TAF1B: variants seen among roughly 807,000 people sequenced by gnomAD.
The protein encoded by TAF1B is TATA-box binding protein associated factor, RNA polymerase I subunit B, also known as TATA box-binding protein-associated factor RNA polymerase I subunit B.
In TAF1B, 61 loss-of-function variants were observed where a neutral mutation model predicts 83.9. The observed-to-expected ratio is 0.73, with a 90% CI of 0.59 to 0.90. The LOEUF (loss-of-function observed/expected upper bound fraction) is 0.90. Ranked by LOEUF, TAF1B falls within the 40% of genes least tolerant of loss-of-function variation. The probability of loss-of-function intolerance (pLI) is 0.00; values close to 1 mark genes in which losing one functional copy is unlikely to be tolerated. For synonymous variants in TAF1B, 221 were observed against 224.6 expected (o/e 0.98, Z 0.14); for missense variants, 625 against 677.0 (o/e 0.92, Z 0.85).
chr2:9,932,692 C>T (rs1666253591), intron 14 of TAF1B, among the ~76,000 whole-genome samples: 1 of 152,188 alleles, frequency 6.6e-6, no homozygotes, highest in Non-Finnish European at 1.5e-5. Context: ...GTGAGAACCA[C>T]TGCTTTCTTC....
At chr2:9,867,959 G>A (rs1047274809) in intron 5 of TAF1B, among the ~76,000 whole-genome samples, 1 of 152,232 alleles carries the variant, frequency 6.6e-6, no homozygotes, top group Non-Finnish European at 1.5e-5. Flanking sequence ...CAGCCAGCAT[G>A]TGTGGGGTCA....
At chr2:9,917,317 A>G (rs1399422019) in intron 12 of TAF1B, among the ~76,000 whole-genome samples, 1 of 152,240 alleles carries the variant, frequency 6.6e-6, no homozygotes, top group Non-Finnish European at 1.5e-5. Context: ...TATTACTAAA[A>G]TATTGTTAAA....
intron 8 of TAF1B, among the ~76,000 whole-genome samples, chr2:9,889,745 G>A (rs574909232): frequency 2.0e-5 from 3 of 152,112 alleles, no homozygotes; most frequent in African/African-American, 4.8e-5. Context: ...TTAGAAGCTT[G>A]TTTTTAAGTT....
intron 8 of TAF1B, among the ~76,000 whole-genome samples, chr2:9,899,729 G>C (rs78323752): frequency 6.6e-6 from 1 of 152,134 alleles, no homozygotes; most frequent in Non-Finnish European, 1.5e-5. Flanking sequence ...ATAATGAGAA[G>C]TACAAAGAAG....
intron 9 of TAF1B, among the ~76,000 whole-genome samples, chr2:9,910,376 T>A (rs1665485286): frequency 6.6e-6 from 1 of 152,200 alleles, no homozygotes; most frequent in Admixed American, 6.5e-5. Flanking sequence ...CCAGTGCACA[T>A]ACATTGCTAG....
At chr2:9,891,501 T>G (rs1664873302) in intron 8 of TAF1B, among the ~76,000 whole-genome samples, 1 of 152,194 alleles carries the variant, frequency 6.6e-6, no homozygotes, top group Non-Finnish European at 1.5e-5. Flanking sequence ...ACATAATACT[T>G]GATAATAACT....
intron 12 of TAF1B, among the ~76,000 whole-genome samples, chr2:9,917,838 C>T (rs1329988558): frequency 6.6e-6 from 1 of 151,614 alleles, no homozygotes; most frequent in Non-Finnish European, 1.5e-5. Flanking sequence ...TTTGGGAGGC[C>T]GAGGCGGGCG....
intron 8 of TAF1B, among the ~76,000 whole-genome samples, chr2:9,889,337 T>G (rs1438677731): frequency 1.3e-5 from 2 of 152,148 alleles, no homozygotes; most frequent in Admixed American, 1.3e-4. Flanking sequence ...TTGTTATGTC[T>G]TCAGATTCAG....
At chr2:9,867,121 G>A (rs78803597) in intron 5 of TAF1B, among the ~76,000 whole-genome samples, 1 of 152,092 alleles carries the variant, frequency 6.6e-6, no homozygotes, top group Non-Finnish European at 1.5e-5. Flanking sequence ...ATAAATGATA[G>A]CATATTTGTG....
intron 9 of TAF1B, among the ~76,000 whole-genome samples, chr2:9,908,017 A>C (rs1428545758): frequency 7.2e-6 from 1 of 139,842 alleles, no homozygotes; most frequent in Admixed American, 7.3e-5. Flanking sequence ...GAGCAGTTCA[A>C]GATCTTAATT....
chr2:9,904,731 C>G (rs1048884544), intron 8 of TAF1B, 128 bp from the exon 9 acceptor site: 20 of 903,794 alleles, frequency 2.2e-5, no homozygotes, highest in Non-Finnish European at 3.1e-5. Context: ...GTTCCTTTTT[C>G]TGCACAACTT....
chr2:9,903,882 G>C (rs1396780046), intron 8 of TAF1B, among the ~76,000 whole-genome samples: 1 of 152,194 alleles, frequency 6.6e-6, no homozygotes, highest in Non-Finnish European at 1.5e-5. Context: ...AACCCAGTAA[G>C]AGTTTTAAGA....
At chr2:9,884,536 G>T (rs929545031) in intron 8 of TAF1B, among the ~76,000 whole-genome samples, 1 of 152,254 alleles carries the variant, frequency 6.6e-6, no homozygotes, top group Non-Finnish European at 1.5e-5. Context: ...CCCACAGCGG[G>T]CAGCTCCTTT....
At chr2:9,849,739 G>A (rs1663326091) in intron 3 of TAF1B, among the ~76,000 whole-genome samples, 1 of 152,136 alleles carries the variant, frequency 6.6e-6, no homozygotes, top group African/African-American at 2.4e-5. Context: ...TCCATTTCTT[G>A]TGTTGAATTT....
intron 14 of TAF1B, among the ~76,000 whole-genome samples, chr2:9,933,199 G>C (rs1048544643): frequency 6.6e-6 from 1 of 152,210 alleles, no homozygotes; most frequent in Admixed American, 6.5e-5. Context: ...AGATGAACCA[G>C]GTACCTCAGC....
intron 8 of TAF1B, among the ~76,000 whole-genome samples, chr2:9,883,612 A>C (rs1664576616): frequency 6.6e-6 from 1 of 152,212 alleles, no homozygotes; most frequent in Non-Finnish European, 1.5e-5. Context: ...ATTTTATGGA[A>C]GTTTCAGCAT....
In TAF1B at chr2:9,904,896, T is replaced by A; in HGVS notation, c.845T>A (p.Val282Glu). The A allele has an allele frequency of 2.5e-6, 4 of 1,610,164 alleles. No homozygotes were observed. The highest frequency in any genetic ancestry group is 3.4e-6 in the Non-Finnish European group (4 of 1,176,444). The change falls in exon 9 of 15, where the codon GTA becomes GAA. Residue 282 changes from valine to glutamate, a missense_variant. Val to Glu is a moderately radical substitution (Grantham distance 121). Coordinates refer to ENST00000263663, the MANE Select transcript of TAF1B (RefSeq NM_005680.3). ...PDYEDIYKKTVEVGTFLDLPR... is the reference protein window; with the variant it reads ...PDYEDIYKKTEEVGTFLDLPR... ...TACGAGGACATCTACAAAAAAACAGTAGAAGTTGGAACATTTTTAGATTTG... is the reference window on the plus strand; with the variant it reads ...TACGAGGACATCTACAAAAAAACAGAAGAAGTTGGAACATTTTTAGATTTG...
At chr2:9,888,311 A>ATTTT (rs34112216) in intron 8 of TAF1B, among the ~76,000 whole-genome samples, 1 of 149,742 alleles carries the variant, frequency 6.7e-6, no homozygotes, top group Non-Finnish European at 1.5e-5. Context: ...ATGCATTGGG[A>ATTTT]TTTTTTTTTT....
At chr2:9,906,588 A>T (rs1315645411) in intron 9 of TAF1B, among the ~76,000 whole-genome samples, 1 of 152,228 alleles carries the variant, frequency 6.6e-6, no homozygotes, top group Non-Finnish European at 1.5e-5. Flanking sequence ...AACTTTAGGT[A>T]TGTAGCTTTT....
Sources: gnomAD v4.1 joint callset for allele counts (sites outside exome capture counted in the v4.1 genomes callset) on GRCh38, gnomAD v4.1.1 for gene constraint, MANE v1.5 for transcripts, NCBI Gene and HGNC (gene_info 2026-07-23, HGNC 2026-07-21) for gene names.